ZNF675: variants seen among roughly 807,000 people sequenced by gnomAD.
The protein encoded by ZNF675 is zinc finger protein 675.
A neutral mutation model predicts 56.1 loss-of-function variants in ZNF675; 36 were observed. The observed-to-expected ratio is 0.64, with a 90% CI of 0.49 to 0.85. ZNF675 has a LOEUF of 0.85. Ranked by LOEUF, ZNF675 falls within the 40% of genes least tolerant of loss-of-function variation. The pLI is 0.00. For missense variants in ZNF675, 663 were observed against 654.2 expected, an observed-to-expected ratio of 1.01 and a Z score of -0.15; for synonymous variants, 200 against 218.9, an observed-to-expected ratio of 0.91 and a Z score of 0.76.
At chr19:23,663,648 T>G (rs914530068) in intron 1 of ZNF675, among the ~76,000 whole-genome samples, 6 of 151,926 alleles carry the variant, frequency 3.9e-5, no homozygotes, top group Non-Finnish European at 7.4e-5. Flanking sequence ...CTGTGGTGAG[T>G]GGAGATTGCA....
chr19:23,661,246 C>T (rs2144926962), intron 3 of ZNF675, among the ~76,000 whole-genome samples: 2 of 152,212 alleles, frequency 1.3e-5, no homozygotes, highest in Middle Eastern at 3.4e-3. Flanking sequence ...TATCTGACCT[C>T]CTGATCCGCC....
chr19:23,654,918 C>A (rs1967962218), intron 3 of ZNF675: 2 of 422,760 alleles, frequency 4.7e-6, no homozygotes, highest in Non-Finnish European at 8.3e-6. Flanking sequence ...TTTTTCTACT[C>A]CCCAATATAA....
intron 3 of ZNF675, 138 bp from the exon 4 acceptor site, chr19:23,654,844 G>A (rs1485373380): frequency 5.4e-6 from 3 of 558,820 alleles, no homozygotes; most frequent in Admixed American, 3.6e-5. Flanking sequence ...TGCCCCAGGT[G>A]AGCACAATGC....
At chr19:23,657,737 T>A (rs1383104465) in intron 3 of ZNF675, among the ~76,000 whole-genome samples, 1 of 151,438 alleles carries the variant, frequency 6.6e-6, no homozygotes, top group Admixed American at 6.6e-5. Context: ...AAAAAGACTA[T>A]CTCCATGACT....
intron 1 of ZNF675, 66 bp from the exon 2 acceptor site, chr19:23,663,224 G>GT: frequency 6.5e-7 from 1 of 1,550,098 alleles, no homozygotes; most frequent in Non-Finnish European, 8.7e-7. Context: ...TTGACTCAAG[G>GT]TAAAATGAGA....
rs1317394021 is a variant in ZNF675 at position 23,654,864 on chromosome 19, C to T, written c.227-158G>A. ...CAGGTGAGCACAATGCAAAGAGCCA[C>T]ATAGAAAAAAAAAAAAAATTCTGTC... On this transcript the variant is annotated intron_variant, in intron 3 of 3. Transcript: ENST00000359788. 6.8e-5 allele frequency: 22 copies of T among 322,934 alleles called. No homozygotes were observed. The South Asian group carries it at 1.2e-3, about 18-fold the overall frequency. 20.0% of individuals were successfully genotyped at this position (322,934 alleles called of 1,614,324 possible). A position where few individuals can be genotyped will look rare whatever the true frequency, so the allele number is the denominator to read the frequency against.
At chr19:23,659,206 A>G (rs1968044465) in intron 3 of ZNF675, among the ~76,000 whole-genome samples, 1 of 152,130 alleles carries the variant, frequency 6.6e-6, no homozygotes, top group South Asian at 2.1e-4. Flanking sequence ...CCTACAAATT[A>G]TCTAATTTAC....
At chr19:23,674,887 A>C (rs1378866649) in intron 1 of ZNF675, among the ~76,000 whole-genome samples, 4 of 151,122 alleles carry the variant, frequency 2.6e-5, no homozygotes, top group African/African-American at 9.8e-5. Context: ...CACGAGAATC[A>C]CTTGAACCCG....
At chr19:23,666,168 G>C (rs1312236816) in intron 1 of ZNF675, among the ~76,000 whole-genome samples, 1 of 152,198 alleles carries the variant, frequency 6.6e-6, no homozygotes, top group Non-Finnish European at 1.5e-5. Context: ...AAAGACCAGA[G>C]GCTACTGCCT....
At chr19:23,682,471 T>G (rs1430930933) in intron 1 of ZNF675, among the ~76,000 whole-genome samples, 1 of 151,820 alleles carries the variant, frequency 6.6e-6, no homozygotes, top group African/African-American at 2.4e-5. Context: ...ACAATAATAC[T>G]TATCTTCAGT....
chr19:23,658,880 T>TATAGATATAGATCTATAGATATCTATAG (rs1456523991), intron 3 of ZNF675, among the ~76,000 whole-genome samples: 3 of 87,486 alleles, frequency 3.4e-5, no homozygotes, highest in African/African-American at 1.1e-4. Flanking sequence ...TATAGATATC[T>TATAGATATAGATCTATAGATATCTATAG]ATAGATATAG....
chr19:23,680,371 A>G (rs1318099232), intron 1 of ZNF675, among the ~76,000 whole-genome samples: 3 of 151,826 alleles, frequency 2.0e-5, no homozygotes, highest in East Asian at 3.8e-4. Flanking sequence ...AGAGACCAAG[A>G]TCATTTCTTT....
rs755599213 is a variant in ZNF675 at position 23,653,454 on chromosome 19, T to C, written c.1479A>G (p.Ser493=). 1.2e-5 allele frequency: 19 copies of C among 1,613,032 alleles called. No homozygotes were observed. The East Asian group carries it at 4.2e-4, about 36-fold the overall frequency. Residue 493 remains serine, a synonymous_variant, in exon 4 of 4, where the codon TCA becomes TCG. Transcript: ENST00000359788. The part of the protein sequence containing the change: ...EECGKAFKHS[S]SLTTHKRIHT... ...GAATTCTTTTATGTGTAGTAAGGGATGAGGAGTGTTTAAAAGCTTTGCCAC... is the reference window on the plus strand; with the variant it reads ...GAATTCTTTTATGTGTAGTAAGGGACGAGGAGTGTTTAAAAGCTTTGCCAC...
intron 1 of ZNF675, among the ~76,000 whole-genome samples, chr19:23,679,745 C>T (rs936247593): frequency 1.3e-5 from 2 of 151,294 alleles, no homozygotes; most frequent in East Asian, 1.9e-4. Flanking sequence ...AATCCCAGCA[C>T]TTTGGGATGC....
At chr19:23,669,882 C>A (rs1968207171) in intron 1 of ZNF675, among the ~76,000 whole-genome samples, 1 of 151,630 alleles carries the variant, frequency 6.6e-6, no homozygotes, top group Middle Eastern at 3.4e-3. Context: ...AAAACAACAC[C>A]TCATAGTAGG....
intron 1 of ZNF675, among the ~76,000 whole-genome samples, chr19:23,682,607 C>T (rs1014969419): frequency 6.6e-6 from 1 of 151,680 alleles, no homozygotes; most frequent in African/African-American, 2.4e-5. Flanking sequence ...AGCAGGCTGA[C>T]ATATCTGCAG....
intron 1 of ZNF675, among the ~76,000 whole-genome samples, chr19:23,684,933 T>C (rs1366350357): frequency 1.3e-5 from 2 of 152,184 alleles, no homozygotes; most frequent in African/African-American, 4.8e-5. Flanking sequence ...CAGCATCTGA[T>C]TGGCTGACCA....
intron 1 of ZNF675, among the ~76,000 whole-genome samples, chr19:23,682,132 A>T (rs1251643245): frequency 6.6e-6 from 1 of 151,742 alleles, no homozygotes; most frequent in African/African-American, 2.4e-5. Context: ...AATACTTCTT[A>T]ATCAAACTTC....
At chr19:23,657,098 C>T (rs935364502) in intron 3 of ZNF675, 1 of 152,042 alleles carries the variant, frequency 6.6e-6, no homozygotes, top group African/African-American at 2.4e-5. Context: ...CCATGCCTGG[C>T]TATTTTTAAA....
Sources: gnomAD v4.1 joint callset for allele counts (sites outside exome capture counted in the v4.1 genomes callset) on GRCh38, gnomAD v4.1.1 for gene constraint, MANE v1.5 for transcripts, NCBI Gene and HGNC (gene_info 2026-07-23, HGNC 2026-07-21) for gene names.